COL11A1: variants seen among roughly 807,000 people sequenced by gnomAD.
COL11A1 encodes the protein collagen alpha-1(XI) chain.
COL11A1 carries 74 observed loss-of-function variants against 265.2 expected under a neutral mutation model. The ratio of observed to expected loss-of-function variants is 0.28; its 90% CI spans 0.23 to 0.34. COL11A1 has a LOEUF of 0.34. COL11A1 is among the 10% of genes least tolerant of loss of function. The pLI is 1.00. For missense variants in COL11A1, 2,165 were observed against 2,263.6 expected, an observed-to-expected ratio of 0.96 and a Z score of 0.88; for synonymous variants, 816 against 727.6, an observed-to-expected ratio of 1.12 and a Z score of -1.96.
Position 102,877,858 on chromosome 1 carries a change from T to C in COL11A1, c.*161A>G, listed in dbSNP as rs1649680524. On this transcript the variant is annotated 3_prime_UTR_variant, in exon 67 of 67. Transcript: ENST00000370096. The stretch of plus-strand genomic sequence containing the variant: ...TATGATTTTCAAAGCTTTTGCCATG[T>C]GATTCTGCCCCCACAAAGGCATCGG... 1.5e-6 allele frequency: 1 copy of C among 656,974 alleles called. No individual in the cohort carries two copies. Among genetic ancestry groups the C allele is most frequent in the Non-Finnish European group, 2.7e-6 (1 of 374,566 alleles). The allele number at this position is 656,974 out of a possible 1,614,324, so 40.7% of individuals were successfully genotyped here. A position where few individuals can be genotyped will look rare whatever the true frequency, so the allele number is the denominator to read the frequency against.
chr1:103,053,826 T>C (rs1670020642), intron 4 of COL11A1, among the ~76,000 whole-genome samples: 3 of 152,230 alleles, frequency 2.0e-5, no homozygotes, highest in Admixed American at 2.0e-4. Flanking sequence ...CATAAAAACA[T>C]CTTACATTTT....
chr1:103,005,756 C>A (rs1345593304), intron 18 of COL11A1, 82 bp downstream of exon 18: 1 of 1,532,206 alleles, frequency 6.5e-7, no homozygotes, highest in Non-Finnish European at 9.0e-7. Flanking sequence ...AATTTTTCTT[C>A]TTTTTCTGAT....
At chr1:102,980,479 T>C (rs1412444798) in intron 31 of COL11A1, among the ~76,000 whole-genome samples, 3 of 152,108 alleles carry the variant, frequency 2.0e-5, no homozygotes, top group African/African-American at 7.2e-5. Flanking sequence ...TTGTTAATTA[T>C]GAGACCCTGA....
At chr1:102,893,638 T>A (rs936667431) in intron 57 of COL11A1, among the ~76,000 whole-genome samples, 25 of 152,256 alleles carry the variant, frequency 1.6e-4, no homozygotes, top group Non-Finnish European at 3.7e-4. Flanking sequence ...TTCTTAAGTG[T>A]CTAGAATACA....
chr1:102,878,182 A>G lies in COL11A1; in HGVS notation c.5275-17T>C. On this transcript the variant is annotated splice_polypyrimidine_tract_variant and intron_variant, in intron 66 of 66. Coordinates refer to ENST00000370096, the MANE Select transcript of COL11A1 (RefSeq NM_001854.4). ...TTTTCTGGACTGTAAAATAAAGCAG[A>G]AATAAAAAGTTATACAATCTTTTAA... The G allele has an allele frequency of 6.2e-7, 1 of 1,600,324 alleles. No homozygotes were observed. Among genetic ancestry groups the G allele is most frequent in the Non-Finnish European group, 8.5e-7 (1 of 1,171,250 alleles).
chr1:102,957,445 A>G (rs1660486400), intron 41 of COL11A1, among the ~76,000 whole-genome samples: 1 of 152,034 alleles, frequency 6.6e-6, no homozygotes, highest in Non-Finnish European at 1.5e-5. Flanking sequence ...CAATGAGGGA[A>G]TTTATTATTT....
In COL11A1 at chr1:103,004,373, A is replaced by C. The variant is rs770069631; in HGVS notation, c.1944+71T>G. 214 of 1,102,924 alleles carry C rather than the reference A, an allele frequency of 1.9e-4. 1 individual carries two copies. The highest frequency in any genetic ancestry group is 1.0e-4 in the Non-Finnish European group (76 of 730,998). The allele number at this position is 1,102,924 out of a possible 1,614,324, so 68.3% of individuals were successfully genotyped here. A position where few individuals can be genotyped will look rare whatever the true frequency, so the allele number is the denominator to read the frequency against. ...TTTACCTGGGTTTATCATTGTTTTTATATGTGTAACACCAGTCACTAGTCC... is the reference window on the plus strand; with the variant it reads ...TTTACCTGGGTTTATCATTGTTTTTCTATGTGTAACACCAGTCACTAGTCC... On this transcript the variant is annotated intron_variant, in intron 20 of 66. Coordinates refer to ENST00000370096, the MANE Select transcript of COL11A1 (RefSeq NM_001854.4).
chr1:102,951,493 T>C (rs1054931555), intron 41 of COL11A1, among the ~76,000 whole-genome samples: 2 of 152,042 alleles, frequency 1.3e-5, no homozygotes, highest in Admixed American at 1.3e-4. Context: ...GTCAGGAGAT[T>C]GAGACCATCC....
Position 102,898,750 on chromosome 1 carries a change from A to G in COL11A1, c.4164T>C (p.Pro1388=). Residue 1388 remains proline, a synonymous_variant, in exon 56 of 67, where the codon CCT becomes CCC. Coordinates refer to ENST00000370096, the MANE Select transcript of COL11A1 (RefSeq NM_001854.4). ...GACCGACTGGGCCGGTTTTTCCAGG[A>G]GGACCTTCTGCACCTGCTTCCCCCT... The part of the protein sequence containing the change: ...GAKGEAGAEG[P]PGKTGPVGPQ... 6.2e-7 allele frequency: 1 copy of G among 1,613,276 alleles called. No homozygotes were observed. Among genetic ancestry groups the G allele is most frequent in the Non-Finnish European group, 8.5e-7 (1 of 1,179,558 alleles).
At chr1:102,961,227 C>G (rs906795453) in intron 41 of COL11A1, among the ~76,000 whole-genome samples, 2 of 151,916 alleles carry the variant, frequency 1.3e-5, no homozygotes, top group African/African-American at 4.8e-5. Context: ...AGCATACATT[C>G]AATTGTTTTC....
chr1:103,019,185 T>A (rs1186687374), intron 9 of COL11A1, among the ~76,000 whole-genome samples: 1 of 152,168 alleles, frequency 6.6e-6, no homozygotes, highest in Non-Finnish European at 1.5e-5. Context: ...TTTTTTGTTT[T>A]TCGTTTGTTT....
chr1:103,002,612 A>T (rs1665216203), intron 22 of COL11A1, 131 bp from the exon 23 acceptor site: 16 of 1,121,878 alleles, frequency 1.4e-5, no homozygotes, highest in Non-Finnish European at 4.0e-6. Flanking sequence ...AAATATTTCA[A>T]AATATTAATG....
chr1:102,907,800 G>A (rs1176592691), intron 54 of COL11A1, among the ~76,000 whole-genome samples: 1 of 151,894 alleles, frequency 6.6e-6, no homozygotes, highest in Non-Finnish European at 1.5e-5. Flanking sequence ...CAAAATTTTA[G>A]TTTATTAATA....
chr1:103,022,053 G>C (rs187468059), intron 8 of COL11A1, among the ~76,000 whole-genome samples: 1 of 146,164 alleles, frequency 6.8e-6, no homozygotes, highest in Non-Finnish European at 1.5e-5. Context: ...ATCGGTTTTC[G>C]CCGTGTTGCC....
At chr1:103,068,578 T>C (rs1289438805) in intron 4 of COL11A1, among the ~76,000 whole-genome samples, 1 of 151,532 alleles carries the variant, frequency 6.6e-6, no homozygotes, top group Non-Finnish European at 1.5e-5. Context: ...ATTCAATATA[T>C]ATAAAAGTTA....
chr1:102,967,227 CTTTTTTTTTTTTTTTTT>C (rs35303945), intron 37 of COL11A1, among the ~76,000 whole-genome samples: 2 of 52,754 alleles, frequency 3.8e-5, no homozygotes, highest in African/African-American at 1.6e-4. Context: ...ATAATAAATT[CTTTTTTTTTTTTTTTTT>C]TTTTTTTTTT....
chr1:103,021,574 T>C (rs1380680898), intron 9 of COL11A1, 133 bp downstream of exon 9: 5 of 691,480 alleles, frequency 7.2e-6, no homozygotes, highest in Non-Finnish European at 1.3e-5. Flanking sequence ...AACTTACTTA[T>C]TTGTGGTGAA....
intron 42 of COL11A1, among the ~76,000 whole-genome samples, chr1:102,946,095 G>C (rs5001858): frequency 0.9 from 114,466 of 127,502 alleles, 52,278 homozygotes; most frequent in East Asian, 1. Context: ...CCAAACACCA[G>C]ATGTTCTCAC....
intron 4 of COL11A1, among the ~76,000 whole-genome samples, chr1:103,044,807 T>C (rs61816501): frequency 0.18 from 26,800 of 151,824 alleles, 2,449 homozygotes; most frequent in Middle Eastern, 0.2. Flanking sequence ...ATTCTAGGAG[T>C]TTATATTCCA....
Sources: allele counts gnomAD v4.1 joint callset (sites outside exome capture counted in the v4.1 genomes callset), GRCh38; gene constraint gnomAD v4.1.1; transcripts MANE v1.5; gene names NCBI Gene and HGNC (gene_info 2026-07-23, HGNC 2026-07-21).